Variants in AGPAT4 observed in about 807,000 individuals in gnomAD.
The protein encoded by AGPAT4 is 1-acylglycerol-3-phosphate O-acyltransferase 4.
AGPAT4 carries 15 observed loss-of-function variants against 48.0 expected under a neutral mutation model. The observed-to-expected ratio is 0.31, with a 90% CI of 0.21 to 0.48. The LOEUF (loss-of-function observed/expected upper bound fraction) is 0.48, where lower values mean the gene tolerates loss of function less well. Among genes scored for constraint, AGPAT4 ranks in the 20% least tolerant of loss-of-function variants. The probability of loss-of-function intolerance (pLI) is 0.99; values close to 1 mark genes in which losing one functional copy is unlikely to be tolerated. For synonymous variants in AGPAT4, 178 were observed against 198.7 expected (o/e 0.90, Z 0.88); for missense variants, 314 against 482.5 (o/e 0.65, Z 3.27).
At chr6:161,175,249 T>C (rs1304504805) in intron 2 of AGPAT4, among the ~76,000 whole-genome samples, 1 of 152,246 alleles carries the variant, frequency 6.6e-6, no homozygotes, top group African/African-American at 2.4e-5. Context: ...GTACCTCTGG[T>C]AGAATTCGGC....
In AGPAT4 at chr6:161,136,652, G is replaced by A; in HGVS notation, c.1043-18C>T. ...CACGGAGGCTGCAGAGACAAGGAGA[G>A]CAGAGTTAGGAGTAGCCCAAACAGA... On this transcript the variant is annotated intron_variant, in intron 8 of 8. Coordinates refer to ENST00000320285, the MANE Select transcript of AGPAT4 (RefSeq NM_020133.3). 1 of 1,610,678 alleles carries A rather than the reference G, an allele frequency of 6.2e-7. No individual in the cohort carries two copies.
rs1782441909 is a variant in AGPAT4, at chr6:161,240,157, C to T, written c.-89-7855G>A. 6.6e-6 allele frequency among the ~76,000 whole-genome samples: 1 copy of T among 150,498 alleles called. No individual in the cohort carries two copies. On this transcript the variant is annotated intron_variant, in intron 1 of 8. Coordinates refer to ENST00000320285, the MANE Select transcript of AGPAT4 (RefSeq NM_020133.3). The surrounding 1 kb of genome is among the most constrained non-coding windows in gnomAD (Gnocchi z 5.5). ...TCATGTGGAGAAAATAATCACAACT[C>T]TAAAAAAAAAACCGGAAGAAAAGAA...
At chr6:161,136,992 C>A (rs1037240528) in intron 8 of AGPAT4, among the ~76,000 whole-genome samples, 2 of 152,198 alleles carry the variant, frequency 1.3e-5, no homozygotes, top group Non-Finnish European at 2.9e-5. Flanking sequence ...AGGAAGTTAA[C>A]AGGGCATGTT....
intron 2 of AGPAT4, among the ~76,000 whole-genome samples, chr6:161,181,885 G>A (rs1036636257): frequency 4.6e-5 from 7 of 152,262 alleles, no homozygotes; most frequent in African/African-American, 1.7e-4. Context: ...ATTGGTTCTT[G>A]GAGGGGGCGT....
intron 2 of AGPAT4, among the ~76,000 whole-genome samples, chr6:161,186,260 T>A (rs1780765858): frequency 6.6e-6 from 1 of 152,134 alleles, no homozygotes; most frequent in Non-Finnish European, 1.5e-5. Flanking sequence ...AACATGATGA[T>A]GAATCACATT....
At chr6:161,224,317 C>T (rs1017047375) in intron 2 of AGPAT4, among the ~76,000 whole-genome samples, 56 of 151,974 alleles carry the variant, frequency 3.7e-4, no homozygotes, top group African/African-American at 1.3e-3. Context: ...CAAGTAGAAC[C>T]GTTTTGTAAG....
chr6:161,154,098 TCACAGTCCTGCAGGAGCCCTTGGGA>T lies in AGPAT4; in HGVS notation c.510+26_510+50del. ...TGGAAGTCACATGGGGGTCCCACGG[TCACAGTCCTGCAGGAGCCCTTGGGA>T]CACAGCTGCTCTGGTGCCTACATAC... On this transcript the variant is annotated intron_variant, in intron 4 of 8. Transcript: ENST00000320285. This position sits in a 1 kb window ranked among gnomAD's most constrained non-coding sequence, Gnocchi z 7.8. 1 of 1,611,912 alleles carries T rather than the reference TCACAGTCCTGCAGGAGCCCTTGGGA, an allele frequency of 6.2e-7. No individual in the cohort carries two copies. Among genetic ancestry groups the T allele is most frequent in the African/African-American group, 1.3e-5 (1 of 74,994 alleles).
At position 161,255,217 on chromosome 6, in the gene AGPAT4, A is replaced by C. The variant is rs895315156; in HGVS notation, c.-90+18721T>G. On this transcript the variant is annotated intron_variant, in intron 1 of 8. Coordinates refer to ENST00000320285, the MANE Select transcript of AGPAT4 (RefSeq NM_020133.3). This position sits in a 1 kb window ranked among gnomAD's most constrained non-coding sequence, Gnocchi z 4.7. ...ATGGCTTGACGTAGGTCCAAAGAGC[A>C]AAGGAACTTGGATTTGAAAGTCCGA... is the stretch of plus-strand genomic sequence containing the variant. Among the ~76,000 whole-genome samples, 1 of 152,198 alleles carries C rather than the reference A, an allele frequency of 6.6e-6. No individual in the cohort carries two copies. The highest frequency in any genetic ancestry group is 2.1e-4 in the South Asian group (1 of 4,826).
At position 161,255,705 on chromosome 6, in the gene AGPAT4, G is replaced by A. The variant is rs1420636538; in HGVS notation, c.-90+18233C>T. ...GGAGACAGAAAGTGAACTTGTGGTT[G>A]TCTAGGGCTGGAGGGGGCAGGATGG... On this transcript the variant is annotated intron_variant, in intron 1 of 8. Coordinates refer to ENST00000320285, the MANE Select transcript of AGPAT4 (RefSeq NM_020133.3). The surrounding 1 kb of genome is among the most constrained non-coding windows in gnomAD (Gnocchi z 4.7). Among the ~76,000 whole-genome samples the A allele has an allele frequency of 1.3e-5, 2 of 151,994 alleles. No homozygotes were observed. The highest frequency in any genetic ancestry group is 2.9e-5 in the Non-Finnish European group (2 of 67,996).
chr6:161,244,279 G>C lies in AGPAT4; in HGVS notation c.-89-11977C>G, dbSNP rs1782587432. On this transcript the variant is annotated intron_variant, in intron 1 of 8. Transcript: ENST00000320285. This position sits in a 1 kb window ranked among gnomAD's most constrained non-coding sequence, Gnocchi z 4.7. ...AGAAGCAGGAAGTCTTCCGGGCAGGGGTGAGGATGGGGCTGACACCAACGC... is the reference window on the plus strand; with the variant it reads ...AGAAGCAGGAAGTCTTCCGGGCAGGCGTGAGGATGGGGCTGACACCAACGC... 6.6e-6 allele frequency among the ~76,000 whole-genome samples: 1 copy of C among 152,178 alleles called. No homozygotes were observed. The highest frequency in any genetic ancestry group is 1.5e-5 in the Non-Finnish European group (1 of 68,044).
chr6:161,150,528 T>C (rs9458141), intron 5 of AGPAT4, among the ~76,000 whole-genome samples: 43,978 of 152,194 alleles, frequency 0.29, 8,280 homozygotes, highest in African/African-American at 0.54. Context: ...GTTGGGAATA[T>C]GTGGAACCAA....
intron 1 of AGPAT4, among the ~76,000 whole-genome samples, chr6:161,252,618 T>G (rs77873311): frequency 4.2e-4 from 64 of 151,956 alleles, no homozygotes; most frequent in African/African-American, 1.5e-3. Context: ...AGCCCAGGAG[T>G]TGGAGATTGG....
In AGPAT4 at chr6:161,155,788, G is replaced by C. The variant is rs367687223; in HGVS notation, c.349-1478C>G. 6.6e-6 allele frequency among the ~76,000 whole-genome samples: 1 copy of C among 152,344 alleles called. No homozygotes were observed. Among genetic ancestry groups the C allele is most frequent in the Admixed American group, 6.5e-5 (1 of 15,304 alleles). On this transcript the variant is annotated intron_variant, in intron 3 of 8. Transcript: ENST00000320285. This position sits in a 1 kb window ranked among gnomAD's most constrained non-coding sequence, Gnocchi z 5.8. ...CGGGTGTGAGGGCTTACCGTGTGCTGTGCCCATGGTATTTTTTAAAATTAT... is the reference window on the plus strand; with the variant it reads ...CGGGTGTGAGGGCTTACCGTGTGCTCTGCCCATGGTATTTTTTAAAATTAT...
chr6:161,186,258 G>T (rs145501824), intron 2 of AGPAT4, among the ~76,000 whole-genome samples: 2 of 152,228 alleles, frequency 1.3e-5, no homozygotes, highest in East Asian at 3.9e-4. Context: ...CTAACATGAT[G>T]ATGAATCACA....
rs771903260 is a variant in AGPAT4, at chr6:161,165,916, C to A, written c.348+332G>T. ...TCCAAATCTAATTACAGCTGTGTGACTCTGAGCCGAATATTAAGCTCTATA... is the reference window on the plus strand; with the variant it reads ...TCCAAATCTAATTACAGCTGTGTGAATCTGAGCCGAATATTAAGCTCTATA... On this transcript the variant is annotated intron_variant, in intron 3 of 8. Transcript: ENST00000320285. The surrounding 1 kb of genome is among the most constrained non-coding windows in gnomAD (Gnocchi z 5.5). 4.5e-5 allele frequency: 27 copies of A among 601,176 alleles called. No homozygotes were observed. Among genetic ancestry groups the A allele is most frequent in the Non-Finnish European group, 8.0e-5 (27 of 339,196 alleles). 37.2% of individuals were successfully genotyped at this position (601,176 alleles called of 1,614,324 possible).
Position 161,214,224 on chromosome 6 carries a change from G to A in AGPAT4, c.178+17812C>T, listed in dbSNP as rs933800485. Among the ~76,000 whole-genome samples the A allele has an allele frequency of 3.9e-5, 6 of 152,088 alleles. No homozygotes were observed. Among genetic ancestry groups the A allele is most frequent in the Admixed American group, 6.5e-5 (1 of 15,272 alleles). On this transcript the variant is annotated intron_variant, in intron 2 of 8. Coordinates refer to ENST00000320285, the MANE Select transcript of AGPAT4 (RefSeq NM_020133.3). The surrounding 1 kb of genome is among the most constrained non-coding windows in gnomAD (Gnocchi z 5.4). ...TGTTACATCTGTTGATTGATGTCTC[G>A]TGTCTCTCTAAAATGTATAAAACCA...
Position 161,139,495 on chromosome 6 carries a change from G to A in AGPAT4, c.969C>T (p.Phe323=), listed in dbSNP as rs777590829. Residue 323 remains phenylalanine, a synonymous_variant, in exon 8 of 9, where the codon TTC becomes TTT. Transcript: ENST00000320285. This position sits in a 1 kb window ranked among gnomAD's most constrained non-coding sequence, Gnocchi z 9.1. The stretch of plus-strand genomic sequence containing the variant: ...TCCTGATCATGCTGACCAGGAACTG[G>A]AAGAAAGGGTAGAGCACCAGCGAGG... ...FWASLVLYPF[F]QFLVSMIRSG... 1 of 1,614,112 alleles carries A rather than the reference G, an allele frequency of 6.2e-7. No individual in the cohort carries two copies. The highest frequency in any genetic ancestry group is 2.2e-5 in the East Asian group (1 of 44,860).
chr6:161,262,650 C>G lies in AGPAT4; in HGVS notation c.-90+11288G>C, dbSNP rs577920866. ...TTCTGACCCACTGCAAGCTCTACCC[C>G]ACTTCTTCCTTTGCTCAGAAGGTTT... On this transcript the variant is annotated intron_variant, in intron 1 of 8. Transcript: ENST00000320285. The surrounding 1 kb of genome is among the most constrained non-coding windows in gnomAD (Gnocchi z 4.9). 1.3e-5 allele frequency among the ~76,000 whole-genome samples: 2 copies of G among 152,302 alleles called. No homozygotes were observed. The highest frequency in any genetic ancestry group is 4.1e-4 in the South Asian group (2 of 4,826).
At chr6:161,224,662 A>ACT (rs1781924291) in intron 2 of AGPAT4, among the ~76,000 whole-genome samples, 1 of 147,678 alleles carries the variant, frequency 6.8e-6, no homozygotes, top group Non-Finnish European at 1.5e-5. Context: ...AAAAAAAAAG[A>ACT]AAGAAAACCA....
Sources: allele counts gnomAD v4.1 joint callset (sites outside exome capture counted in the v4.1 genomes callset), GRCh38; gene constraint gnomAD v4.1.1; non-coding constraint Gnocchi (gnomAD v3.1); transcripts MANE v1.5; gene names NCBI Gene and HGNC (gene_info 2026-07-23, HGNC 2026-07-21).